RB1: variants seen among roughly 807,000 people sequenced by gnomAD.
RB1 encodes RB transcriptional corepressor 1, also known as retinoblastoma-associated protein.
RB1 carries 18 observed loss-of-function variants against 135.4 expected under a neutral mutation model. The observed-to-expected ratio is 0.13, with a 90% CI of 0.09 to 0.20. The LOEUF (loss-of-function observed/expected upper bound fraction) is 0.20, where lower values mean the gene tolerates loss of function less well. Ranked by LOEUF, RB1 falls within the 10% of genes least tolerant of loss-of-function variation. The pLI, the probability that RB1 is intolerant of heterozygous loss-of-function variation, is 1.00. For synonymous variants in RB1, 365 were observed against 373.2 expected, an observed-to-expected ratio of 0.98 and a Z score of 0.25; for missense variants, 868 against 1,110.0, an observed-to-expected ratio of 0.78 and a Z score of 3.10.
At chr13:48,416,095 G>A (rs568627584) in intron 17 of RB1, among the ~76,000 whole-genome samples, 18 of 152,264 alleles carry the variant, frequency 1.2e-4, no homozygotes, top group African/African-American at 4.3e-4. Flanking sequence ...TTCTTATATG[G>A]ATTTTTTGGG....
chr13:48,450,753 T>G lies in RB1; in HGVS notation c.1696-2240T>G, dbSNP rs1163601503. ...GTAGTTTAATGGGAATAGCATTGAATCTATAAATAACTTTGGGCTGTATGG... is the reference window on the plus strand; with the variant it reads ...GTAGTTTAATGGGAATAGCATTGAAGCTATAAATAACTTTGGGCTGTATGG... On this transcript the variant is annotated intron_variant, in intron 17 of 26. Transcript: ENST00000267163. 9.2e-5 allele frequency among the ~76,000 whole-genome samples: 14 copies of G among 152,340 alleles called. No individual in the cohort carries two copies. In the South Asian group the frequency reaches 1.4e-3, roughly 16 times the overall value.
At chr13:48,475,730 C>A (rs548613383) in intron 24 of RB1, among the ~76,000 whole-genome samples, 38 of 152,244 alleles carry the variant, frequency 2.5e-4, no homozygotes, top group African/African-American at 7.9e-4. Flanking sequence ...TCATTGGGAG[C>A]CATCTGAGAG....
In RB1 at chr13:48,320,153, C is replaced by T. The variant is rs4151436; in HGVS notation, c.264+12747C>T. On this transcript the variant is annotated intron_variant, in intron 2 of 26. Transcript: ENST00000267163. ...ACCAACGGGCCAAAGTCTGCAGTTT[C>T]CTCCTCCCTCATGGGGTCAAAGTCA... is the stretch of plus-strand genomic sequence containing the variant. 5.3e-3 allele frequency: 4,273 copies of T among 803,970 alleles called. 20 individuals carry two copies. Among genetic ancestry groups the T allele is most frequent in the Middle Eastern group, 7.8e-3 (19 of 2,438 alleles). The allele number at this position is 803,970 out of a possible 1,614,324, so 49.8% of individuals were successfully genotyped here.
chr13:48,378,759 A>C (rs1355952739), intron 13 of RB1, among the ~76,000 whole-genome samples: 1 of 152,168 alleles, frequency 6.6e-6, no homozygotes, highest in Non-Finnish European at 1.5e-5. Context: ...GCATCATCAC[A>C]AAGATGTGAG....
intron 19 of RB1, among the ~76,000 whole-genome samples, chr13:48,458,288 A>AAT (rs2138334186): frequency 3.3e-4 from 1 of 3,014 alleles, no homozygotes; most frequent in South Asian, 0.021. Context: ...GCATTCTCTG[A>AAT]GTGTGTATAT....
intron 14 of RB1, 83 bp downstream of exon 14, chr13:48,379,733 G>T: frequency 6.7e-7 from 1 of 1,502,532 alleles, no homozygotes; most frequent in Non-Finnish European, 9.0e-7. Flanking sequence ...AGGCCGAGGT[G>T]GGCAGATCAG....
intron 2 of RB1, chr13:48,320,267 G>A (rs1204543666): frequency 8.4e-6 from 10 of 1,184,404 alleles, no homozygotes; most frequent in Non-Finnish European, 1.2e-5. Flanking sequence ...TGGCCCCTCT[G>A]TGCAGCGCGC....
At chr13:48,376,793 A>T in intron 12 of RB1, 125 bp from the exon 13 acceptor site, 1 of 1,414,614 alleles carries the variant, frequency 7.1e-7, no homozygotes, top group Non-Finnish European at 9.7e-7. Context: ...GTGGTTACCT[A>T]GTTATTATGG....
rs1442443116 is a variant in RB1, at chr13:48,379,725, G to T, written c.1389+75G>T. Reference sequence around the variant, plus strand: ...GCCTGCAATCCCAGCACTTTGGGAGGCCGAGGTGGGCAGATCAGGAGGTCA... The same window carrying T: ...GCCTGCAATCCCAGCACTTTGGGAGTCCGAGGTGGGCAGATCAGGAGGTCA... On this transcript the variant is annotated intron_variant, in intron 14 of 26. Transcript: ENST00000267163. 3.9e-6 allele frequency: 6 copies of T among 1,524,186 alleles called. No homozygotes were observed. In the Admixed American group the frequency reaches 9.6e-5, roughly 24 times the overall value. The allele number at this position is 1,524,186 out of a possible 1,614,324, so 94.4% of individuals were successfully genotyped here.
At position 48,303,824 on chromosome 13, in the gene RB1, G is replaced by C; in HGVS notation, c.-89G>C. Reference sequence around the variant, plus strand: ...AAATTATTTTTGTAACGGGAGTCGGGAGAGGACGGGGCGTGCCCCGACGTG... The same window carrying C: ...AAATTATTTTTGTAACGGGAGTCGGCAGAGGACGGGGCGTGCCCCGACGTG... On this transcript the variant is annotated 5_prime_UTR_variant, in exon 1 of 27. Transcript: ENST00000267163. 1.4e-5 allele frequency: 20 copies of C among 1,469,660 alleles called. No individual in the cohort carries two copies. The South Asian group carries it at 2.4e-4, about 18-fold the overall frequency. The allele number at this position is 1,469,660 out of a possible 1,614,324, so 91.0% of individuals were successfully genotyped here.
At chr13:48,456,797 C>T (rs2064924867) in intron 19 of RB1, among the ~76,000 whole-genome samples, 1 of 152,234 alleles carries the variant, frequency 6.6e-6, no homozygotes, top group African/African-American at 2.4e-5. Flanking sequence ...GGTGCCAACT[C>T]TCTGTGAGGC....
chr13:48,381,523 C>T (rs866222792), intron 17 of RB1, 80 bp downstream of exon 17: 11 of 1,283,662 alleles, frequency 8.6e-6, no homozygotes, highest in Non-Finnish European at 1.1e-5. Flanking sequence ...TGTTTCTTAA[C>T]ATCTACCTCA....
At chr13:48,369,297 TC>T (rs1470017350) in intron 11 of RB1, among the ~76,000 whole-genome samples, 2 of 152,166 alleles carry the variant, frequency 1.3e-5, no homozygotes, top group Admixed American at 1.3e-4. Context: ...CCTGAGTGCA[TC>T]TACTTTTCTC....
chr13:48,335,477 T>C (rs1222372089), intron 2 of RB1, among the ~76,000 whole-genome samples: 1 of 152,180 alleles, frequency 6.6e-6, no homozygotes, highest in Non-Finnish European at 1.5e-5. Context: ...ACTCTATTTT[T>C]ACTTGTTAAA....
chr13:48,459,676 T>C lies in RB1; in HGVS notation c.1961-12T>C, dbSNP rs201697122. On this transcript the variant is annotated splice_polypyrimidine_tract_variant and intron_variant, in intron 19 of 26. Transcript: ENST00000267163. ...GAACAGTAAAAATGACTAATTTTTC[T>C]TATTCCCACAGTGTATCGGCTAGCC... is the stretch of plus-strand genomic sequence containing the variant. 2,265 of 1,614,062 alleles carry C rather than the reference T, an allele frequency of 1.4e-3. 4 individuals carry two copies. Among genetic ancestry groups the C allele is most frequent in the Non-Finnish European group, 1.7e-3 (1,966 of 1,179,954 alleles).
chr13:48,365,848 G>A (rs1214960999), intron 9 of RB1, among the ~76,000 whole-genome samples: 1 of 152,210 alleles, frequency 6.6e-6, no homozygotes, highest in Non-Finnish European at 1.5e-5. Flanking sequence ...CAAAGAAATA[G>A]AGCATTACAG....
At chr13:48,364,190 T>A (rs1034815479) in intron 8 of RB1, among the ~76,000 whole-genome samples, 1 of 152,058 alleles carries the variant, frequency 6.6e-6, no homozygotes, top group Non-Finnish European at 1.5e-5. Context: ...TTAGAAAAAA[T>A]TTTGGAGATT....
chr13:48,441,965 T>C (rs1358107846), intron 17 of RB1, among the ~76,000 whole-genome samples: 1 of 152,218 alleles, frequency 6.6e-6, no homozygotes, highest in Non-Finnish European at 1.5e-5. Flanking sequence ...TGATGCCTTG[T>C]CACTTAGCAG....
intron 6 of RB1, among the ~76,000 whole-genome samples, chr13:48,349,246 CT>C (rs977807861): frequency 2.6e-5 from 4 of 151,238 alleles, no homozygotes; most frequent in African/African-American, 7.3e-5. Context: ...CCCTCCCTTT[CT>C]TTTTTTTGAA....
Sources: gnomAD v4.1 joint callset for allele counts (sites outside exome capture counted in the v4.1 genomes callset) on GRCh38, gnomAD v4.1.1 for gene constraint, MANE v1.5 for transcripts, NCBI Gene and HGNC (gene_info 2026-07-23, HGNC 2026-07-21) for gene names.